The following TBC1D1 variants were observed in gnomAD, a reference collection of about 807,000 sequenced individuals.
TBC1D1 encodes the protein TBC1 domain family member 1, also known as TBC1 (tre-2/USP6, BUB2, cdc16) domain family, member 1.
TBC1D1 carries 89 observed loss-of-function variants against 125.6 expected under a neutral mutation model. That is an observed-to-expected ratio of 0.71 (90% CI 0.60 to 0.85). TBC1D1 has a LOEUF of 0.85. TBC1D1 is among the 40% of genes least tolerant of loss of function. TBC1D1 has a pLI of 0.00. For synonymous variants in TBC1D1, 565 were observed against 564.1 expected (o/e 1.00, Z -0.02); for missense variants, 1,377 against 1,469.2 (o/e 0.94, Z 1.03).
At chr4:38,099,154 A>G (rs182734467) in intron 14 of TBC1D1, among the ~76,000 whole-genome samples, 4 of 152,364 alleles carry the variant, frequency 2.6e-5, no homozygotes, top group African/African-American at 9.6e-5. Context: ...TACTCTAGAA[A>G]CTAATCAGCC....
At chr4:38,131,673 G>A (rs1261243423) in intron 18 of TBC1D1, among the ~76,000 whole-genome samples, 1 of 152,222 alleles carries the variant, frequency 6.6e-6, no homozygotes, top group East Asian at 1.9e-4. Context: ...AGAGTCGCCA[G>A]TGGAGCCGCA....
chr4:38,079,246 ATG>A (rs1756126447), intron 12 of TBC1D1, among the ~76,000 whole-genome samples: 1 of 152,202 alleles, frequency 6.6e-6, no homozygotes, highest in Non-Finnish European at 1.5e-5. Flanking sequence ...GTCTCTGACT[ATG>A]TTCAGATCTG....
chr4:38,038,119 AAGAGC>A lies in TBC1D1; in HGVS notation c.1413+2424_1413+2428del, dbSNP rs796319512. Among the ~76,000 whole-genome samples, 4 of 152,300 alleles carry A rather than the reference AAGAGC, an allele frequency of 2.6e-5. No individual in the cohort carries two copies. The South Asian group carries it at 8.3e-4, about 32-fold the overall frequency. On this transcript the variant is annotated intron_variant, in intron 8 of 19. Coordinates refer to ENST00000261439, the MANE Select transcript of TBC1D1 (RefSeq NM_015173.4). ...CCATTTTATAGATGAGGAAATGGGG[AAGAGC>A]AGTCAAGCAGTTACTAGTGAGTAGT... is the stretch of plus-strand genomic sequence containing the variant.
At chr4:38,010,300 T>C (rs547648708) in intron 2 of TBC1D1, among the ~76,000 whole-genome samples, 82 of 152,328 alleles carry the variant, frequency 5.4e-4, no homozygotes, top group Non-Finnish European at 4.4e-5. Flanking sequence ...GAGTGTCCCC[T>C]TTCTGGGCGT....
At chr4:38,117,368 A>G (rs983732136) in intron 16 of TBC1D1, among the ~76,000 whole-genome samples, 5 of 152,182 alleles carry the variant, frequency 3.3e-5, no homozygotes, top group Admixed American at 3.3e-4. Context: ...TCTTGGTGGC[A>G]CTACTAGGAA....
At chr4:38,080,683 G>A (rs1286248666) in intron 12 of TBC1D1, among the ~76,000 whole-genome samples, 3 of 148,074 alleles carry the variant, frequency 2.0e-5, no homozygotes, top group East Asian at 2.2e-4. Flanking sequence ...TCACCCCGAC[G>A]AACGTCTCAC....
intron 17 of TBC1D1, 62 bp from the exon 20 acceptor site, chr4:38,124,900 T>C: frequency 6.9e-7 from 1 of 1,447,706 alleles, no homozygotes; most frequent in Non-Finnish European, 9.6e-7. Context: ...GAAAAGGCAA[T>C]GGAATGGTAT....
intron 2 of TBC1D1, among the ~76,000 whole-genome samples, chr4:37,908,054 C>G (rs1162861807): frequency 1.3e-5 from 2 of 152,072 alleles, no homozygotes; most frequent in Non-Finnish European, 2.9e-5. Flanking sequence ...TGTTTTACAT[C>G]AGTCAAAGGA....
In TBC1D1 at chr4:38,021,733, C is replaced by T. The variant is rs1744081729; in HGVS notation, c.1210+15C>T. 4 of 1,528,934 alleles carry T rather than the reference C, an allele frequency of 2.6e-6. 1 individual carries two copies. The African/African-American group carries it at 5.6e-5, about 21-fold the overall frequency. 94.7% of individuals were successfully genotyped at this position (1,528,934 alleles called of 1,614,324 possible). ...GAGGATAGAGGGTGAGTAGGGGACCCTTTCCAGCATGAACACAGTGGGAGT... is the reference window on the plus strand; with the variant it reads ...GAGGATAGAGGGTGAGTAGGGGACCTTTTCCAGCATGAACACAGTGGGAGT... On this transcript the variant is annotated intron_variant, in intron 6 of 19. Transcript: ENST00000261439.
chr4:38,004,427 TA>T (rs752197957), intron 2 of TBC1D1, among the ~76,000 whole-genome samples: 32 of 152,334 alleles, frequency 2.1e-4, no homozygotes, highest in Non-Finnish European at 2.4e-4. Flanking sequence ...GGTTGGGATT[TA>T]TACTCGTCAC....
Position 38,123,858 on chromosome 4 carries a change from T to G in TBC1D1, c.2963-1104T>G, listed in dbSNP as rs374389164. Among the ~76,000 whole-genome samples, 11 of 152,372 alleles carry G rather than the reference T, an allele frequency of 7.2e-5. No individual in the cohort carries two copies. The East Asian group carries it at 1.9e-3, about 27-fold the overall frequency. On this transcript the variant is annotated intron_variant, in intron 17 of 19. Coordinates refer to ENST00000261439, the MANE Select transcript of TBC1D1 (RefSeq NM_015173.4). ...CTCTGCCTGTGCTTTGTTCAGAAACTACAGGGATTCAGTTTCCCATTTGCA... is the reference window on the plus strand; with the variant it reads ...CTCTGCCTGTGCTTTGTTCAGAAACGACAGGGATTCAGTTTCCCATTTGCA...
intron 2 of TBC1D1, among the ~76,000 whole-genome samples, chr4:37,918,406 A>G (rs1323319942): frequency 6.6e-6 from 1 of 151,658 alleles, no homozygotes; most frequent in Non-Finnish European, 1.5e-5. Context: ...TGTTTTAAAC[A>G]GTGAACAAAC....
intron 12 of TBC1D1, among the ~76,000 whole-genome samples, chr4:38,069,253 C>T (rs889798445): frequency 6.6e-6 from 1 of 152,196 alleles, no homozygotes; most frequent in Non-Finnish European, 1.5e-5. Flanking sequence ...GATTGAGTAT[C>T]ACCAACCTGT....
intron 7 of TBC1D1, among the ~76,000 whole-genome samples, chr4:38,028,340 ATT>A (rs1272163531): frequency 1.3e-5 from 2 of 152,036 alleles, no homozygotes; most frequent in Non-Finnish European, 2.9e-5. Context: ...TAATTTTTGT[ATT>A]TTTAGTAGAG....
intron 2 of TBC1D1, among the ~76,000 whole-genome samples, chr4:37,985,653 A>G (rs532575788): frequency 2.0e-5 from 3 of 152,360 alleles, no homozygotes; most frequent in African/African-American, 7.2e-5. Flanking sequence ...TGTGAAGACT[A>G]TCTTCAGATG....
At position 37,900,407 on chromosome 4, in the gene TBC1D1, C is replaced by CTT. The variant is rs10612576; in HGVS notation, c.-93-1582_-93-1581dup. On this transcript the variant is annotated intron_variant, in intron 1 of 19. Coordinates refer to ENST00000261439, the MANE Select transcript of TBC1D1 (RefSeq NM_015173.4). The stretch of plus-strand genomic sequence containing the variant: ...GGAAGTTTGAAATCAAAGGAAATAT[C>CTT]TTTTTTTTTTTTTTTCGATTGGAGA... Among the ~76,000 whole-genome samples the CTT allele has an allele frequency of 4.0e-3, 565 of 140,724 alleles. 4 individuals carry two copies. Among genetic ancestry groups the CTT allele is most frequent in the African/African-American group, 0.014 (531 of 38,724 alleles). 92.3% of individuals were successfully genotyped at this position (140,724 alleles called of 152,430 possible). A position where few individuals can be genotyped will look rare whatever the true frequency, so the allele number is the denominator to read the frequency against.
At chr4:37,912,563 C>T (rs1417367352) in intron 2 of TBC1D1, among the ~76,000 whole-genome samples, 1 of 152,188 alleles carries the variant, frequency 6.6e-6, no homozygotes, top group African/African-American at 2.4e-5. Context: ...CTGAATGTGT[C>T]TTCTCCAATA....
chr4:37,926,020 C>A (rs1254384989), intron 2 of TBC1D1, among the ~76,000 whole-genome samples: 13 of 152,176 alleles, frequency 8.5e-5, no homozygotes, highest in Middle Eastern at 3.2e-3. Flanking sequence ...ACAGAACTTG[C>A]CAGATGGTGC....
intron 6 of TBC1D1, among the ~76,000 whole-genome samples, chr4:38,027,564 G>A (rs1745301966): frequency 6.6e-6 from 1 of 152,120 alleles, no homozygotes; most frequent in African/African-American, 2.4e-5. Flanking sequence ...GGGAGGTTGA[G>A]GCTCGCATAA....
Sources: gnomAD v4.1 joint callset for allele counts (sites outside exome capture counted in the v4.1 genomes callset) on GRCh38, gnomAD v4.1.1 for gene constraint, MANE v1.5 for transcripts, NCBI Gene and HGNC (gene_info 2026-07-23, HGNC 2026-07-21) for gene names.